SCOC: variants seen among roughly 807,000 people sequenced by gnomAD.
SCOC encodes short coiled-coil protein, also known as short coiled coil protein.
In SCOC, 7 loss-of-function variants were observed where a neutral mutation model predicts 9.9. The observed-to-expected ratio is 0.71, with a 90% confidence interval of 0.40 to 1.33. SCOC has a LOEUF of 1.33. Ranked by LOEUF, SCOC falls within the 40% of genes most tolerant of loss-of-function variation. The pLI, the probability that SCOC is intolerant of heterozygous loss-of-function variation, is 0.01. For missense variants in SCOC, 66 were observed against 89.7 expected, an observed-to-expected ratio of 0.74 and a Z score of 1.07; for synonymous variants, 19 against 28.2, an observed-to-expected ratio of 0.67 and a Z score of 1.03.
chr4:140,327,842 G>A (rs1158717905), intron 1 of SCOC, among the ~76,000 whole-genome samples: 1 of 152,118 alleles, frequency 6.6e-6, no homozygotes. Flanking sequence ...TTTGGGGCTG[G>A]ACTAGGACTG....
chr4:140,340,311 G>C (rs1020125884), upstream of SCOC, among the ~76,000 whole-genome samples: 1 of 151,862 alleles, frequency 6.6e-6, no homozygotes, highest in African/African-American at 2.4e-5. Flanking sequence ...GGGGTGGGGG[G>C]ATGGGGGAGG....
chr4:140,367,907 A>G (rs1374803455), intron 2 of SCOC, among the ~76,000 whole-genome samples: 1 of 152,200 alleles, frequency 6.6e-6, no homozygotes, highest in East Asian at 1.9e-4. Flanking sequence ...ACTCTTAAAT[A>G]TAGGGAACCA....
intron 2 of SCOC, among the ~76,000 whole-genome samples, chr4:140,345,993 C>T (rs531380133): frequency 1.3e-5 from 2 of 152,330 alleles, no homozygotes; most frequent in East Asian, 3.9e-4. Flanking sequence ...TATGGTCCTA[C>T]ATTACAGATG....
intron 2 of SCOC, among the ~76,000 whole-genome samples, chr4:140,351,936 C>T (rs1259871737): frequency 6.6e-6 from 1 of 152,178 alleles, no homozygotes; most frequent in Non-Finnish European, 1.5e-5. Context: ...TGAATGGAGC[C>T]AGTGTTTGCA....
intron 1 of SCOC, among the ~76,000 whole-genome samples, chr4:140,310,326 C>T (rs753827917): frequency 1.2e-4 from 18 of 152,114 alleles, no homozygotes; most frequent in Non-Finnish European, 1.8e-4. Flanking sequence ...GCTTCTCATC[C>T]GGGGGAAGTC....
At chr4:140,282,385 A>G (rs883945) in intron 1 of SCOC, among the ~76,000 whole-genome samples, 25,727 of 152,060 alleles carry the variant, frequency 0.17, 3,046 homozygotes, top group African/African-American at 0.3. Flanking sequence ...CTTTAAGAAA[A>G]CCTGACATGT....
intron 1 of SCOC, among the ~76,000 whole-genome samples, chr4:140,328,791 C>T (rs1732726049): frequency 6.6e-6 from 1 of 152,188 alleles, no homozygotes; most frequent in South Asian, 2.1e-4. Context: ...CTGTCACTGC[C>T]ACCCTGGCTA....
At chr4:140,348,650 A>G (rs2126523337) in intron 2 of SCOC, among the ~76,000 whole-genome samples, 1 of 152,056 alleles carries the variant, frequency 6.6e-6, no homozygotes, top group South Asian at 2.1e-4. Flanking sequence ...TATCTTGGCT[A>G]TTGTGAATTA....
At chr4:140,333,593 T>G (rs925781621) in intron 1 of SCOC, among the ~76,000 whole-genome samples, 1 of 152,152 alleles carries the variant, frequency 6.6e-6, no homozygotes, top group African/African-American at 2.4e-5. Context: ...TCTAGGTAAC[T>G]TATATACTGA....
At chr4:140,348,181 C>G (rs1463520437) in intron 2 of SCOC, among the ~76,000 whole-genome samples, 3 of 152,016 alleles carry the variant, frequency 2.0e-5, no homozygotes, top group Admixed American at 6.6e-5. Flanking sequence ...AAAATCTACT[C>G]TCTTTGAAAT....
chr4:140,294,791 C>A (rs1025865957), intron 1 of SCOC, among the ~76,000 whole-genome samples: 5 of 152,166 alleles, frequency 3.3e-5, no homozygotes, highest in African/African-American at 1.2e-4. Flanking sequence ...GAGGTACAGA[C>A]CTGATGACAT....
At chr4:140,361,271 T>C (rs1727455504) in intron 2 of SCOC, among the ~76,000 whole-genome samples, 1 of 151,474 alleles carries the variant, frequency 6.6e-6, no homozygotes, top group Admixed American at 6.6e-5. Flanking sequence ...GAGTACACTT[T>C]AGGACTTTTA....
At chr4:140,318,165 G>T (rs34378674) in intron 1 of SCOC, among the ~76,000 whole-genome samples, 1 of 148,522 alleles carries the variant, frequency 6.7e-6, no homozygotes, top group East Asian at 2.0e-4. Flanking sequence ...GGACATAGGC[G>T]TGGGCAAGGA....
At chr4:140,302,491 C>T (rs747371647) in intron 1 of SCOC, among the ~76,000 whole-genome samples, 3 of 152,170 alleles carry the variant, frequency 2.0e-5, no homozygotes, top group Non-Finnish European at 4.4e-5. Flanking sequence ...TTTGGATGAA[C>T]ACTGAACTAT....
chr4:140,286,745 G>C (rs71606892), intron 1 of SCOC, among the ~76,000 whole-genome samples: 1 of 152,254 alleles, frequency 6.6e-6, no homozygotes. Context: ...GTGTGTGCGG[G>C]AGGCGGGGCG....
chr4:140,362,314 T>TCTTCTTCTTCTTCC (rs1727596376), intron 2 of SCOC, among the ~76,000 whole-genome samples: 1 of 9,736 alleles, frequency 1.0e-4, no homozygotes, highest in African/African-American at 3.3e-4. Flanking sequence ...TTTTTTTTTT[T>TCTTCTTCTTCTTCC]TGTGAGAGTC....
chr4:140,375,066 T>C (rs1006980315), intron 1 of SCOC, among the ~76,000 whole-genome samples: 1 of 152,162 alleles, frequency 6.6e-6, no homozygotes, highest in South Asian at 2.1e-4. Context: ...AGTCTCAAAA[T>C]CTGCAGGCTC....
At chr4:140,377,503 T>A (rs1728392533) in intron 1 of SCOC, among the ~76,000 whole-genome samples, 1 of 152,250 alleles carries the variant, frequency 6.6e-6, no homozygotes, top group African/African-American at 2.4e-5. Flanking sequence ...ATTAAATTAA[T>A]TGTATACCAT....
At chr4:140,323,030 A>G (rs1244717343) in intron 1 of SCOC, among the ~76,000 whole-genome samples, 1 of 152,200 alleles carries the variant, frequency 6.6e-6, no homozygotes, top group Non-Finnish European at 1.5e-5. Context: ...AACAATACAT[A>G]AAATCAATGA....
Sources: allele counts gnomAD v4.1 joint callset (sites outside exome capture counted in the v4.1 genomes callset), GRCh38; gene constraint gnomAD v4.1.1; transcripts MANE v1.5; gene names NCBI Gene and HGNC (gene_info 2026-07-23, HGNC 2026-07-21).